The following DLG2 variants were observed in gnomAD, a reference collection of about 807,000 sequenced individuals.
DLG2 encodes the protein discs large MAGUK scaffold protein 2.
In DLG2, 45 loss-of-function variants were observed where a neutral mutation model predicts 132.5. The observed-to-expected ratio is 0.34, with a 90% CI of 0.27 to 0.44. The LOEUF (loss-of-function observed/expected upper bound fraction) is 0.44. DLG2 is among the 20% of genes least tolerant of loss of function. DLG2 has a pLI of 1.00. For missense variants in DLG2, 1,045 were observed against 1,196.9 expected, an observed-to-expected ratio of 0.87 and a Z score of 1.87; for synonymous variants, 424 against 419.6, an observed-to-expected ratio of 1.01 and a Z score of -0.13.
chr11:83,484,264 G>A, intron 21 of DLG2, 36 bp from the exon 22 acceptor site: 2 of 1,475,754 alleles, frequency 1.4e-6, no homozygotes, highest in East Asian at 2.3e-5. Flanking sequence ...AAAAACAGGG[G>A]ACGTCTAATT....
rs560732577 is a variant in DLG2, at chr11:85,184,442, AGAAACAAGG to A, written c.187-29800_187-29792del. 1.7e-3 allele frequency among the ~76,000 whole-genome samples: 263 copies of A among 151,756 alleles called. 1 individual carries two copies. The highest frequency in any genetic ancestry group is 6.2e-3 in the African/African-American group (258 of 41,442). On this transcript the variant is annotated intron_variant, in intron 4 of 27. Coordinates refer to ENST00000376104, the MANE Select transcript of DLG2 (RefSeq NM_001142699.3). Reference sequence around the variant, plus strand: ...CAATAAATAAGCTCCCATTTTGTAGAGAAACAAGGTAGTTAATAAGCAAACCAGTAATGG... The same window carrying A: ...CAATAAATAAGCTCCCATTTTGTAGATAGTTAATAAGCAAACCAGTAATGG...
chr11:84,231,727 G>A (rs1293076943), intron 8 of DLG2, among the ~76,000 whole-genome samples: 3 of 152,084 alleles, frequency 2.0e-5, no homozygotes, highest in Admixed American at 2.0e-4. Flanking sequence ...AAACTTTCAG[G>A]TAGTTAAAAG....
intron 19 of DLG2, among the ~76,000 whole-genome samples, chr11:83,576,949 C>T (rs944608998): frequency 3.3e-5 from 5 of 152,128 alleles, no homozygotes; most frequent in African/African-American, 1.2e-4. Flanking sequence ...TGAGTGTCAA[C>T]TTGATTGGAT....
At chr11:85,285,436 C>T in intron 3 of DLG2, 71 bp from the exon 4 acceptor site, 2 of 1,403,380 alleles carry the variant, frequency 1.4e-6, no homozygotes. Flanking sequence ...GCATATATGT[C>T]CATATATAGA....
intron 6 of DLG2, among the ~76,000 whole-genome samples, chr11:84,938,024 G>C (rs2048956460): frequency 6.6e-6 from 1 of 152,094 alleles, no homozygotes; most frequent in Non-Finnish European, 1.5e-5. Context: ...CCTCATTCTG[G>C]GGTCAGTTCC....
At chr11:83,881,759 A>C (rs2066324769) in intron 15 of DLG2, among the ~76,000 whole-genome samples, 1 of 152,226 alleles carries the variant, frequency 6.6e-6, no homozygotes, top group South Asian at 2.1e-4. Flanking sequence ...GGTGATTTGC[A>C]TACTAACAAA....
At position 85,513,586 on chromosome 11, in the gene DLG2, G is replaced by A. The variant is rs113812708; in HGVS notation, c.40+85071C>T. ...TTCAATGAGCACTTATCTTTCACTAGTATATCTTCTTGCCTCCCCATTTAA... is the reference window on the plus strand; with the variant it reads ...TTCAATGAGCACTTATCTTTCACTAATATATCTTCTTGCCTCCCCATTTAA... On this transcript the variant is annotated intron_variant, in intron 3 of 27. Transcript: ENST00000376104. 1.8e-3 allele frequency among the ~76,000 whole-genome samples: 275 copies of A among 151,918 alleles called. 1 individual carries two copies. The highest frequency in any genetic ancestry group is 6.4e-3 in the African/African-American group (265 of 41,500).
In DLG2 at chr11:83,863,827, T is replaced by C. The variant is rs1488512091; in HGVS notation, c.1565+10593A>G. Among the ~76,000 whole-genome samples, 4 of 152,136 alleles carry C rather than the reference T, an allele frequency of 2.6e-5. No individual in the cohort carries two copies. The East Asian group carries it at 7.7e-4, about 29-fold the overall frequency. ...CCAAAAGGCCATCTTCTTTAAATTA[T>C]ACCAGGCTGCTATACCAAGGAGAGA... is the stretch of plus-strand genomic sequence containing the variant. On this transcript the variant is annotated intron_variant, in intron 16 of 27. Coordinates refer to ENST00000376104, the MANE Select transcript of DLG2 (RefSeq NM_001142699.3).
intron 6 of DLG2, among the ~76,000 whole-genome samples, chr11:84,714,202 G>T (rs10792775): frequency 1 from 151,977 of 151,978 alleles, 75,988 homozygotes; most frequent in Non-Finnish European, 1. Flanking sequence ...ATACCAAAAT[G>T]GTCAACCTTT....
At chr11:85,146,105 C>A (rs1421710437) in intron 5 of DLG2, among the ~76,000 whole-genome samples, 1 of 152,106 alleles carries the variant, frequency 6.6e-6, no homozygotes, top group Non-Finnish European at 1.5e-5. Flanking sequence ...CCTAGAGGTA[C>A]CACCTTGGTA....
chr11:83,879,812 A>G (rs1195633801), intron 15 of DLG2, among the ~76,000 whole-genome samples: 2 of 152,208 alleles, frequency 1.3e-5, no homozygotes, highest in Admixed American at 1.3e-4. Flanking sequence ...GTAGTACTCA[A>G]TAAATATCTG....
intron 18 of DLG2, among the ~76,000 whole-genome samples, chr11:83,757,822 C>G (rs763306562): frequency 6.6e-6 from 1 of 152,128 alleles, no homozygotes. Flanking sequence ...CCACCCCCTT[C>G]TCTTCATTTC....
intron 19 of DLG2, among the ~76,000 whole-genome samples, chr11:83,563,377 C>T (rs1199295780): frequency 6.6e-6 from 1 of 152,104 alleles, no homozygotes; most frequent in Non-Finnish European, 1.5e-5. Flanking sequence ...TAAATAAAAT[C>T]CACAGGACTT....
At chr11:84,506,687 T>C (rs994977444) in intron 7 of DLG2, among the ~76,000 whole-genome samples, 19 of 152,194 alleles carry the variant, frequency 1.2e-4, no homozygotes, top group Non-Finnish European at 1.2e-4. Flanking sequence ...CTTTATACCA[T>C]GAAGCTTGTG....
At chr11:84,552,246 C>T (rs922244845) in intron 6 of DLG2, among the ~76,000 whole-genome samples, 3 of 152,196 alleles carry the variant, frequency 2.0e-5, no homozygotes, top group Admixed American at 1.3e-4. Flanking sequence ...GAATATTCCA[C>T]TTGCCTTCAA....
At chr11:84,828,164 G>A (rs1231525325) in intron 6 of DLG2, among the ~76,000 whole-genome samples, 1 of 151,760 alleles carries the variant, frequency 6.6e-6, no homozygotes, top group African/African-American at 2.4e-5. Flanking sequence ...GGATAGGCAG[G>A]GGCAGGAGAG....
chr11:85,049,104 A>G (rs1417968888), intron 6 of DLG2, among the ~76,000 whole-genome samples: 2 of 152,034 alleles, frequency 1.3e-5, no homozygotes, highest in Non-Finnish European at 2.9e-5. Context: ...GAAGAAAACC[A>G]TGAGTTTTAC....
chr11:84,488,722 T>G (rs1037496035), intron 7 of DLG2, among the ~76,000 whole-genome samples: 1 of 152,184 alleles, frequency 6.6e-6, no homozygotes, highest in East Asian at 1.9e-4. Context: ...CAAGTAAGCT[T>G]AAAGGGACTA....
chr11:83,506,241 A>G (rs1264032028), intron 21 of DLG2, among the ~76,000 whole-genome samples: 1 of 152,198 alleles, frequency 6.6e-6, no homozygotes, highest in Non-Finnish European at 1.5e-5. Flanking sequence ...TAAACAAGCA[A>G]ACAAACTACT....
Sources: allele counts gnomAD v4.1 joint callset (sites outside exome capture counted in the v4.1 genomes callset), GRCh38; gene constraint gnomAD v4.1.1; transcripts MANE v1.5; gene names NCBI Gene and HGNC (gene_info 2026-07-23, HGNC 2026-07-21).